The following RLF variants were observed in gnomAD, a reference collection of about 807,000 sequenced individuals.
RLF encodes the protein RLF zinc finger.
In RLF, 7 loss-of-function variants were observed where a neutral mutation model predicts 162.9. The ratio of observed to expected loss-of-function variants is 0.04; its 90% confidence interval spans 0.02 to 0.08. RLF has a LOEUF of 0.08. Among genes scored for constraint, RLF ranks in the 10% least tolerant of loss-of-function variants. The pLI is 1.00. For missense variants in RLF, 1,664 were observed against 2,244.7 expected, an observed-to-expected ratio of 0.74 and a Z score of 5.23; for synonymous variants, 782 against 791.5, an observed-to-expected ratio of 0.99 and a Z score of 0.20.
At position 40,239,691 on chromosome 1, in the gene RLF, A is replaced by G; in HGVS notation, c.4989A>G (p.Ala1663=). The G allele has an allele frequency of 6.2e-7, 1 of 1,614,248 alleles. No individual in the cohort carries two copies. The highest frequency in any genetic ancestry group is 8.5e-7 in the Non-Finnish European group (1 of 1,180,048). The change falls in exon 8 of 8, where the codon GCA becomes GCG. Residue 1663 remains alanine, a synonymous_variant. Coordinates refer to ENST00000372771, the MANE Select transcript of RLF (RefSeq NM_012421.4). ...GCIESSSVFD[A]DTLLYRGTLK... ...TAGAAAGCAGCTCAGTATTTGATGC[A>G]GATACTCTGCTCTACAGGGGAACTT...
At chr1:40,178,973 T>C (rs1032536432) in intron 1 of RLF, among the ~76,000 whole-genome samples, 2 of 152,184 alleles carry the variant, frequency 1.3e-5, no homozygotes, top group African/African-American at 4.8e-5. Context: ...TAGTTGGGAC[T>C]ACAGGCCTGT....
intron 1 of RLF, among the ~76,000 whole-genome samples, chr1:40,171,519 G>A (rs59682960): frequency 1.3e-5 from 2 of 152,010 alleles, no homozygotes; most frequent in African/African-American, 4.8e-5. Context: ...TGATTCTGTT[G>A]TCTTTGCTTT....
chr1:40,168,628 A>G (rs1642197845), intron 1 of RLF, among the ~76,000 whole-genome samples: 6 of 152,182 alleles, frequency 3.9e-5, no homozygotes. Context: ...TATCTTGATC[A>G]CCTAAGAGTA....
Position 40,235,829 on chromosome 1 carries a change from G to C in RLF, c.1127G>C (p.Cys376Ser), listed in dbSNP as rs1187251574. 6.2e-7 allele frequency: 1 copy of C among 1,611,260 alleles called. No individual in the cohort carries two copies. Among genetic ancestry groups the C allele is most frequent in the African/African-American group, 1.3e-5 (1 of 74,754 alleles). Residue 376 changes from cysteine to serine, a missense_variant, in exon 8 of 8, where the codon TGT becomes TCT. By Grantham distance (112) the Cys-to-Ser change is moderately radical. Coordinates refer to ENST00000372771, the MANE Select transcript of RLF (RefSeq NM_012421.4). ...DAGLGVSILL[C>S]VRALQLRSSE... ...GGTCTTGGGGTGTCAATTTTACTGTGTGTCAGAGCTCTTCAACTCAGATCA... is the reference window on the plus strand; with the variant it reads ...GGTCTTGGGGTGTCAATTTTACTGTCTGTCAGAGCTCTTCAACTCAGATCA...
In RLF at chr1:40,236,466, T is replaced by A; in HGVS notation, c.1764T>A (p.Ile588=). 6.2e-7 allele frequency: 1 copy of A among 1,613,784 alleles called. No individual in the cohort carries two copies. The highest frequency in any genetic ancestry group is 8.5e-7 in the Non-Finnish European group (1 of 1,179,902). The change falls in exon 8 of 8, where the codon ATT becomes ATA. Residue 588 remains isoleucine, a synonymous_variant. Transcript: ENST00000372771. This position sits in a 1 kb window ranked among gnomAD's most constrained non-coding sequence, Gnocchi z 7.7. ...GAATTTACACCTGTCCAGTTTGTAT[T>A]AAAAAATTTAAGAGAAAAGAAATGT... is the stretch of plus-strand genomic sequence containing the variant. The part of the protein sequence containing the change: ...EDGIYTCPVC[I]KKFKRKEMFV...
chr1:40,172,209 TA>T (rs1642255428), intron 1 of RLF, among the ~76,000 whole-genome samples: 1 of 152,210 alleles, frequency 6.6e-6, no homozygotes, highest in Admixed American at 6.5e-5. Context: ...ACAGAGGGTT[TA>T]AGGAAAAGTA....
rs563725421 is a variant in RLF, at chr1:40,237,777, A to G, written c.3075A>G (p.Glu1025=). The change falls in exon 8 of 8, where the codon GAA becomes GAG. Residue 1025 remains glutamate (E), a synonymous_variant. Coordinates refer to ENST00000372771, the MANE Select transcript of RLF (RefSeq NM_012421.4). This position sits in a 1 kb window ranked among gnomAD's most constrained non-coding sequence, Gnocchi z 4.4. The stretch of plus-strand genomic sequence containing the variant: ...ATACAAACAGTGACTCCCCAGATGA[A>G]GGTCTAGATCACAATATTCACATTA... ...CSDTNSDSPD[E]GLDHNIHIKC... is the part of the protein sequence containing the mutation. The G allele has an allele frequency of 9.9e-6, 16 of 1,614,010 alleles. No individual in the cohort carries two copies. The Admixed American group carries it at 2.7e-4, about 27-fold the overall frequency.
At chr1:40,235,756 C>A in intron 7 of RLF, 36 bp from the exon 8 acceptor site, 2 of 1,429,730 alleles carry the variant, frequency 1.4e-6, no homozygotes, top group Non-Finnish European at 9.3e-7. Flanking sequence ...TTTCTGTATG[C>A]AAAAAAATAA....
chr1:40,228,913 C>T (rs527484168), intron 6 of RLF, among the ~76,000 whole-genome samples: 207 of 152,282 alleles, frequency 1.4e-3, no homozygotes, highest in African/African-American at 4.8e-3. Context: ...GCCCGCCCCC[C>T]GCTGCCTCTG....
At chr1:40,170,019 C>T (rs1316932488) in intron 1 of RLF, among the ~76,000 whole-genome samples, 1 of 151,962 alleles carries the variant, frequency 6.6e-6, no homozygotes, top group African/African-American at 2.4e-5. Flanking sequence ...TGTTAAAATA[C>T]GTTGTGAATT....
At chr1:40,196,482 A>G (rs1248609014) in intron 4 of RLF, among the ~76,000 whole-genome samples, 2 of 151,852 alleles carry the variant, frequency 1.3e-5, no homozygotes, top group African/African-American at 4.8e-5. Flanking sequence ...AGATGCAAAG[A>G]ATGAAGTTTT....
chr1:40,202,278 G>A (rs929263691), intron 4 of RLF, 134 bp from the exon 5 acceptor site: 2 of 609,532 alleles, frequency 3.3e-6, no homozygotes, highest in South Asian at 4.3e-5. Context: ...TGAGACCAGA[G>A]TAAACTTCTC....
chr1:40,223,572 A>T (rs969859004), intron 6 of RLF, among the ~76,000 whole-genome samples: 1 of 152,252 alleles, frequency 6.6e-6, no homozygotes. Flanking sequence ...AGGAAAACCT[A>T]GTAAAGCCTT....
chr1:40,238,985 T>G lies in RLF; in HGVS notation c.4283T>G (p.Leu1428Trp). Residue 1428 changes from leucine (L) to tryptophan (W), a missense_variant, in exon 8 of 8, where the codon TTG becomes TGG. Leu to Trp is a moderately conservative substitution (Grantham distance 61, BLOSUM62 -2). Around this residue, in one of 15 missense-constraint regions of RLF, gnomAD observed 200 missense variants for 207.3 expected, o/e 0.96. Coordinates refer to ENST00000372771, the MANE Select transcript of RLF (RefSeq NM_012421.4). This position sits in a 1 kb window ranked among gnomAD's most constrained non-coding sequence, Gnocchi z 5.2. Reference sequence around the variant, plus strand: ...ACATTCAACAAGTTGAAGCACCACTTGATGGAACAGCATAATATTGAAGGG... The same window carrying G: ...ACATTCAACAAGTTGAAGCACCACTGGATGGAACAGCATAATATTGAAGGG... ...FYTFNKLKHH[L>W]MEQHNIEGEI... The G allele has an allele frequency of 6.2e-7, 1 of 1,614,184 alleles. No homozygotes were observed. The highest frequency in any genetic ancestry group is 2.2e-5 in the East Asian group (1 of 44,888).
At chr1:40,233,644 T>A (rs975712392) in intron 7 of RLF, among the ~76,000 whole-genome samples, 2 of 152,184 alleles carry the variant, frequency 1.3e-5, no homozygotes, top group South Asian at 4.1e-4. Context: ...CTATATTCTT[T>A]AGGCCACTAC....
intron 4 of RLF, among the ~76,000 whole-genome samples, chr1:40,197,238 A>G (rs1642649650): frequency 1.3e-5 from 2 of 152,204 alleles, no homozygotes. Flanking sequence ...AGAAAAAAAA[A>G]GAATAAGGAA....
chr1:40,206,038 C>T (rs1376772495), intron 5 of RLF, among the ~76,000 whole-genome samples: 1 of 152,046 alleles, frequency 6.6e-6, no homozygotes. Flanking sequence ...GGTCTGACTC[C>T]CAAAAGTTTT....
At chr1:40,192,874 T>G (rs12038117) in intron 3 of RLF, among the ~76,000 whole-genome samples, 74,514 of 151,946 alleles carry the variant, frequency 0.49, 19,789 homozygotes, top group Middle Eastern at 0.6. Flanking sequence ...CTGAGTAACT[T>G]TTTTCCTATG....
chr1:40,197,476 C>T (rs929362255), intron 4 of RLF, among the ~76,000 whole-genome samples: 1 of 152,098 alleles, frequency 6.6e-6, no homozygotes, highest in Non-Finnish European at 1.5e-5. Context: ...GCAGGCAGGC[C>T]CAAGCCCAAG....
Sources: gnomAD v4.1 joint callset for allele counts (sites outside exome capture counted in the v4.1 genomes callset) on GRCh38, gnomAD v4.1.1 for gene constraint, gnomAD v4.1.1 regional missense constraint, Gnocchi (gnomAD v3.1) non-coding constraint, MANE v1.5 for transcripts, NCBI Gene and HGNC (gene_info 2026-07-23, HGNC 2026-07-21) for gene names.